Variants in SART3 observed in about 807,000 individuals in gnomAD.
SART3 encodes spliceosome associated factor 3, U4/U6 recycling protein.
Under a neutral mutation model 122.3 loss-of-function variants are expected in SART3, and 44 were observed. That is an observed-to-expected ratio of 0.36 (90% confidence interval 0.28 to 0.46). The LOEUF (loss-of-function observed/expected upper bound fraction) is 0.46. Among genes scored for constraint, SART3 ranks in the 20% least tolerant of loss-of-function variants. The probability of loss-of-function intolerance (pLI) is 1.00; values close to 1 mark genes in which losing one functional copy is unlikely to be tolerated. For missense variants in SART3, 1,101 were observed against 1,229.0 expected, an observed-to-expected ratio of 0.90 and a Z score of 1.56; for synonymous variants, 442 against 454.0, an observed-to-expected ratio of 0.97 and a Z score of 0.34.
chr12:108,532,144 C>T, intron 13 of SART3, 78 bp downstream of exon 13: 1 of 1,247,582 alleles, frequency 8.0e-7, no homozygotes, highest in Non-Finnish European at 1.2e-6. Context: ...TGTCCCCAGA[C>T]TGTAACCAGA....
chr12:108,533,395 A>AAAC (rs1872772033), intron 12 of SART3, among the ~76,000 whole-genome samples: 1 of 151,902 alleles, frequency 6.6e-6, no homozygotes, highest in African/African-American at 2.4e-5. Context: ...TGCCAAAAAA[A>AAAC]AAAAAAAAAG....
At chr12:108,524,659 C>A in intron 17 of SART3, 153 bp from the exon 18 acceptor site, 1 of 686,302 alleles carries the variant, frequency 1.5e-6, no homozygotes. Flanking sequence ...ACCACCGCAT[C>A]CTCTGTCTAC....
intron 14 of SART3, among the ~76,000 whole-genome samples, chr12:108,530,663 T>C (rs1872639197): frequency 6.6e-6 from 1 of 152,094 alleles, no homozygotes; most frequent in African/African-American, 2.4e-5. Context: ...GAGACCATCC[T>C]AGCTAACATG....
In SART3 at chr12:108,538,131, C is replaced by T; in HGVS notation, c.1135G>A (p.Val379Ile). The stretch of plus-strand genomic sequence containing the variant: ...AAGAGGTACCGACTCCATAAGGCAA[C>T]TGTCCAGGGGCAGTTTCTAATAGCG... ...NRAIRNCPWT[V>I]ALWSRYLLAM... The change falls in exon 8 of 19, where the codon GTT (valine) becomes ATT (isoleucine). Residue 379 changes from valine to isoleucine, a missense_variant. This residue lies in a region of SART3 where 885 missense variants were observed against 1,080.1 expected (regional missense o/e 0.82). Coordinates refer to ENST00000546815, the MANE Select transcript of SART3 (RefSeq NM_014706.4). 6.2e-7 allele frequency: 1 copy of T among 1,614,214 alleles called. No individual in the cohort carries two copies. Among genetic ancestry groups the T allele is most frequent in the Non-Finnish European group, 8.5e-7 (1 of 1,180,018 alleles).
chr12:108,531,361 T>C, intron 13 of SART3, 81 bp from the exon 14 acceptor site: 1 of 1,054,804 alleles, frequency 9.5e-7, no homozygotes, highest in Non-Finnish European at 1.5e-6. Context: ...AATTTCTCTG[T>C]ACCTCCAGAA....
chr12:108,541,135 A>G (rs1873138543), intron 6 of SART3, among the ~76,000 whole-genome samples: 1 of 152,214 alleles, frequency 6.6e-6, no homozygotes, highest in Admixed American at 6.5e-5. Context: ...AGGCAGTTGC[A>G]GTGACTCACG....
intron 1 of SART3, among the ~76,000 whole-genome samples, chr12:108,553,867 G>A (rs1436989471): frequency 6.6e-6 from 1 of 152,142 alleles, no homozygotes; most frequent in Non-Finnish European, 1.5e-5. Context: ...ACCCTTCCAT[G>A]GCTTCCCAGT....
At chr12:108,533,388 C>CA (rs34737993) in intron 12 of SART3, among the ~76,000 whole-genome samples, 90,573 of 129,888 alleles carry the variant, frequency 0.7, 31,789 homozygotes, top group East Asian at 0.8. Flanking sequence ...TGGTTATTGC[C>CA]AAAAAAAAAA....
chr12:108,525,903 C>T (rs1192097809), intron 16 of SART3, 196 bp downstream of exon 16: 7 of 625,298 alleles, frequency 1.1e-5, no homozygotes, highest in African/African-American at 1.1e-4. Context: ...CATTGCTAAG[C>T]ACCCAGCAAG....
rs1411006298 is a variant in SART3, at chr12:108,528,203, C to T, written c.1916-1650G>A. ...AGAACCATTAAAAGCAGGGCCAAGGCCAGGTGCAGTGTCTCATGCCTGTAA... is the reference window on the plus strand; with the variant it reads ...AGAACCATTAAAAGCAGGGCCAAGGTCAGGTGCAGTGTCTCATGCCTGTAA... On this transcript the variant is annotated intron_variant, in intron 15 of 18. Coordinates refer to ENST00000546815, the MANE Select transcript of SART3 (RefSeq NM_014706.4). Among the ~76,000 whole-genome samples, 2 of 152,192 alleles carry T rather than the reference C, an allele frequency of 1.3e-5. 1 individual carries two copies. The highest frequency in any genetic ancestry group is 1.3e-4 in the Admixed American group (2 of 15,278).
At chr12:108,553,058 C>T (rs1468843290) in intron 1 of SART3, among the ~76,000 whole-genome samples, 3 of 151,870 alleles carry the variant, frequency 2.0e-5, no homozygotes, top group Admixed American at 2.0e-4. Context: ...TTTTGACAAA[C>T]GCAATGCAAC....
At position 108,524,289 on chromosome 12, in the gene SART3, G is replaced by A. The variant is rs756865140; in HGVS notation, c.2714+27C>T. On this transcript the variant is annotated intron_variant, in intron 18 of 18. Transcript: ENST00000546815. ...ACTGGTGCCAGCCAGGACGAAGTTT[G>A]CACTAGTCTACCATGCAAGCACTTA... is the stretch of plus-strand genomic sequence containing the variant. 3.8e-6 allele frequency: 6 copies of A among 1,599,004 alleles called. No homozygotes were observed. In the Admixed American group the frequency reaches 8.3e-5, roughly 22 times the overall value.
chr12:108,525,558 G>C lies in SART3; in HGVS notation c.2422C>G (p.Leu808Val). Residue 808 changes from leucine to valine, a missense_variant, in exon 17 of 19, where the codon CTG becomes GTG. Around this residue, in one of 2 missense-constraint regions of SART3, gnomAD observed 885 missense variants for 1,080.1 expected, o/e 0.82. Transcript: ENST00000546815. ...LEKHKLFISG[L>V]PFSCTKEELE... ...TCCTCTTTAGTACAGGAGAAAGGCA[G>C]GCCTGAGATGAACAGCTTGTGTTTC... 6.2e-7 allele frequency: 1 copy of C among 1,614,076 alleles called. No individual in the cohort carries two copies. Among genetic ancestry groups the C allele is most frequent in the Non-Finnish European group, 8.5e-7 (1 of 1,179,936 alleles).
chr12:108,531,479 G>C (rs1872674650), intron 13 of SART3, 199 bp from the exon 14 acceptor site: 1 of 566,634 alleles, frequency 1.8e-6, no homozygotes, highest in Non-Finnish European at 3.1e-6. Context: ...CCTTTCAGGA[G>C]AGACTTGAAA....
chr12:108,545,795 G>A (rs553517118), intron 3 of SART3, among the ~76,000 whole-genome samples: 10 of 152,008 alleles, frequency 6.6e-5, no homozygotes, highest in Admixed American at 2.0e-4. Context: ...GTGAAACCCC[G>A]TCTCTACTAA....
At chr12:108,541,998 C>CTTT (rs55746158) in intron 6 of SART3, among the ~76,000 whole-genome samples, 1 of 68,062 alleles carries the variant, frequency 1.5e-5, no homozygotes, top group African/African-American at 5.4e-5. Flanking sequence ...CCAAGCCCGG[C>CTTT]TTTTTTTTTT....
chr12:108,538,058 T>C lies in SART3; in HGVS notation c.1201+7A>G. On this transcript the variant is annotated splice_region_variant and intron_variant, in intron 8 of 18. Coordinates refer to ENST00000546815, the MANE Select transcript of SART3 (RefSeq NM_014706.4). ...GCTTAGAAGTTCTCCCACAAAAACA[T>C]CCGCACCAGAAATTACTTGATGATC... The C allele has an allele frequency of 6.2e-7, 1 of 1,614,098 alleles. No individual in the cohort carries two copies. Among genetic ancestry groups the C allele is most frequent in the Non-Finnish European group, 8.5e-7 (1 of 1,179,988 alleles).
intron 14 of SART3, 78 bp from the exon 15 acceptor site, chr12:108,530,388 A>T: frequency 8.6e-6 from 13 of 1,512,114 alleles, no homozygotes; most frequent in Non-Finnish European, 1.2e-5. Context: ...AAAGGGGAGA[A>T]GGAGTGGAAA....
rs746313470 is a variant in SART3 at position 108,536,763 on chromosome 12, C to T, written c.1332G>A (p.Glu444=). Residue 444 remains glutamate (E), a synonymous_variant, in exon 10 of 19, where the codon GAG becomes GAA. Coordinates refer to ENST00000546815, the MANE Select transcript of SART3 (RefSeq NM_014706.4). ...FKQDSSKELE[E]LRAAFTRALE... The stretch of plus-strand genomic sequence containing the variant: ...AGGCACGAGTAAAGGCGGCCCTCAA[C>T]TCCTCCAGCTCTTTACTGGAGTCTA... 7 of 1,613,856 alleles carry T rather than the reference C, an allele frequency of 4.3e-6. No homozygotes were observed. Among genetic ancestry groups the T allele is most frequent in the Admixed American group, 1.7e-5 (1 of 60,002 alleles).
Sources: allele counts gnomAD v4.1 joint callset (sites outside exome capture counted in the v4.1 genomes callset), GRCh38; gene constraint gnomAD v4.1.1; regional missense constraint gnomAD v4.1.1; transcripts MANE v1.5; gene names NCBI Gene and HGNC (gene_info 2026-07-23, HGNC 2026-07-21).